The following PTPRM variants were observed in gnomAD, a reference collection of about 807,000 sequenced individuals.
PTPRM encodes the protein receptor-type tyrosine-protein phosphatase mu.
In PTPRM, 47 loss-of-function variants were observed where a neutral mutation model predicts 186.7. The observed-to-expected ratio is 0.25, with a 90% CI of 0.20 to 0.32. PTPRM has a LOEUF of 0.32. Among genes scored for constraint, PTPRM ranks in the 10% least tolerant of loss-of-function variants. PTPRM has a pLI of 1.00. For synonymous variants in PTPRM, 668 were observed against 674.9 expected (o/e 0.99, Z 0.16); for missense variants, 1,494 against 1,865.0 (o/e 0.80, Z 3.66).
chr18:8,240,110 T>G (rs963016724), intron 14 of PTPRM, among the ~76,000 whole-genome samples: 21 of 152,172 alleles, frequency 1.4e-4, no homozygotes, highest in African/African-American at 4.8e-4. Context: ...AAAAGTAAGG[T>G]CTGAAACGGG....
intron 1 of PTPRM, among the ~76,000 whole-genome samples, chr18:7,689,203 T>G (rs4121619): frequency 0.63 from 95,595 of 152,062 alleles, 30,603 homozygotes; most frequent in East Asian, 0.97. Context: ...GACGAGATTT[T>G]AAAAAAGTTT....
chr18:7,664,211 C>T (rs564529952), intron 1 of PTPRM, among the ~76,000 whole-genome samples: 36 of 152,322 alleles, frequency 2.4e-4, no homozygotes, highest in African/African-American at 8.7e-4. Flanking sequence ...GCAGATGAGG[C>T]AGCCCTCACT....
chr18:7,900,465 G>A (rs180967229), intron 3 of PTPRM, among the ~76,000 whole-genome samples: 3 of 152,214 alleles, frequency 2.0e-5, no homozygotes, highest in Admixed American at 6.5e-5. Context: ...AAACTATGCC[G>A]TATCAGTCTT....
At chr18:8,335,207 G>A (rs1175148068) in intron 22 of PTPRM, among the ~76,000 whole-genome samples, 2 of 152,164 alleles carry the variant, frequency 1.3e-5, no homozygotes, top group East Asian at 3.8e-4. Flanking sequence ...GCAACAAGTG[G>A]CTCCTGCTGG....
At chr18:8,347,379 C>T (rs2095510920) in intron 23 of PTPRM, among the ~76,000 whole-genome samples, 1 of 152,160 alleles carries the variant, frequency 6.6e-6, no homozygotes, top group South Asian at 2.1e-4. Flanking sequence ...TATGATACAG[C>T]CTTTTACTTT....
chr18:8,021,483 G>A (rs997928227), intron 7 of PTPRM, among the ~76,000 whole-genome samples: 1 of 130,654 alleles, frequency 7.7e-6, no homozygotes, highest in Admixed American at 7.9e-5. Flanking sequence ...TAAGCCCCGC[G>A]TGCATTAGGT....
At chr18:7,864,462 C>A (rs1324791765) in intron 2 of PTPRM, among the ~76,000 whole-genome samples, 2 of 152,148 alleles carry the variant, frequency 1.3e-5, no homozygotes, top group Admixed American at 1.3e-4. Flanking sequence ...GAATCCTTTC[C>A]CCATTGCTTG....
chr18:7,812,379 C>A (rs1298522347), intron 2 of PTPRM, among the ~76,000 whole-genome samples: 2 of 152,164 alleles, frequency 1.3e-5, no homozygotes, highest in African/African-American at 4.8e-5. Flanking sequence ...ATTTTATAAG[C>A]TGCTTTTCTC....
intron 17 of PTPRM, 186 bp downstream of exon 17, chr18:8,248,362 A>C (rs565890738): frequency 8.5e-5 from 59 of 697,758 alleles, no homozygotes; most frequent in African/African-American, 7.5e-4. Context: ...AGTCGCCATT[A>C]ATAAGAGGGG....
intron 29 of PTPRM, among the ~76,000 whole-genome samples, chr18:8,383,296 C>CAAAAAAAG (rs2095749878): frequency 3.3e-5 from 1 of 30,430 alleles, no homozygotes; most frequent in Non-Finnish European, 5.5e-5. Flanking sequence ...GCTTCTGCCT[C>CAAAAAAAG]AAAAAAAAAA....
chr18:8,250,677 T>C lies in PTPRM; in HGVS notation c.2555-1811T>C, dbSNP rs564660482. 7.9e-5 allele frequency among the ~76,000 whole-genome samples: 12 copies of C among 151,754 alleles called. No individual in the cohort carries two copies. The South Asian group carries it at 2.5e-3, about 32-fold the overall frequency. On this transcript the variant is annotated intron_variant, in intron 17 of 32. Transcript: ENST00000580170. ...GGTGGAACACACCTGTATTCCCAGC[T>C]ACTCAAGAGGCTGAGGCAGGAGGAT... is the stretch of plus-strand genomic sequence containing the variant.
chr18:8,206,237 T>A (rs2093926570), intron 14 of PTPRM, among the ~76,000 whole-genome samples: 1 of 149,628 alleles, frequency 6.7e-6, no homozygotes, highest in Admixed American at 6.6e-5. Flanking sequence ...AAAGACTTTA[T>A]CAAGGCTGAA....
chr18:7,579,008 C>T (rs183236848), intron 1 of PTPRM, among the ~76,000 whole-genome samples: 267 of 152,190 alleles, frequency 1.8e-3, no homozygotes, highest in African/African-American at 6.1e-3. Flanking sequence ...CATCCCCTTT[C>T]TGGGTCCAAG....
At chr18:8,245,884 G>A (rs1860425469) in intron 15 of PTPRM, among the ~76,000 whole-genome samples, 1 of 152,174 alleles carries the variant, frequency 6.6e-6, no homozygotes. Flanking sequence ...AGTTTAATTT[G>A]GCAGTTACTT....
chr18:7,805,375 A>G (rs2044182430), intron 2 of PTPRM, among the ~76,000 whole-genome samples: 1 of 152,208 alleles, frequency 6.6e-6, no homozygotes, highest in South Asian at 2.1e-4. Context: ...AATGATTGCT[A>G]CCAACTATTT....
Position 8,031,533 on chromosome 18 carries a change from G to A in PTPRM, c.1133-38153G>A, listed in dbSNP as rs1253490842. On this transcript the variant is annotated intron_variant, in intron 7 of 32. Transcript: ENST00000580170. ...AAAGCTAGTTCTGCAAAAAAACTCAGGGCAAAAATGTATCTTACTCGTGCA... is the reference window on the plus strand; with the variant it reads ...AAAGCTAGTTCTGCAAAAAAACTCAAGGCAAAAATGTATCTTACTCGTGCA... 2.0e-5 allele frequency among the ~76,000 whole-genome samples: 3 copies of A among 152,256 alleles called. No homozygotes were observed. In the East Asian group the frequency reaches 5.8e-4, roughly 29 times the overall value.
intron 14 of PTPRM, among the ~76,000 whole-genome samples, chr18:8,200,663 T>G (rs934759350): frequency 3.3e-5 from 5 of 152,250 alleles, no homozygotes; most frequent in African/African-American, 9.6e-5. Context: ...CAAGTTGTAG[T>G]CTTTTATTTT....
chr18:7,643,955 G>T (rs988757336), intron 1 of PTPRM, among the ~76,000 whole-genome samples: 3 of 152,048 alleles, frequency 2.0e-5, no homozygotes, highest in Non-Finnish European at 4.4e-5. Flanking sequence ...GTTTAAAGGG[G>T]AGAAAACTTG....
chr18:7,877,555 C>T (rs1241406940), intron 2 of PTPRM, among the ~76,000 whole-genome samples: 2 of 152,116 alleles, frequency 1.3e-5, no homozygotes, highest in Non-Finnish European at 2.9e-5. Context: ...TGCCAGTCAC[C>T]CTTTTAAGAA....
Sources: gnomAD v4.1 joint callset for allele counts (sites outside exome capture counted in the v4.1 genomes callset) on GRCh38, gnomAD v4.1.1 for gene constraint, MANE v1.5 for transcripts, NCBI Gene and HGNC (gene_info 2026-07-23, HGNC 2026-07-21) for gene names.